Variants in FSTL5 observed in about 807,000 individuals in gnomAD.
The protein encoded by FSTL5 is follistatin like 5.
In FSTL5, 62 loss-of-function variants were observed where a neutral mutation model predicts 89.1. The ratio of observed to expected loss-of-function variants is 0.70; its 90% CI spans 0.57 to 0.86. The LOEUF is 0.86. FSTL5 is among the 40% of genes least tolerant of loss of function. The probability of loss-of-function intolerance (pLI) is 0.00; values close to 1 mark genes in which losing one functional copy is unlikely to be tolerated. For synonymous variants in FSTL5, 383 were observed against 346.2 expected, an observed-to-expected ratio of 1.11 and a Z score of -1.18; for missense variants, 1,057 against 1,001.6, an observed-to-expected ratio of 1.06 and a Z score of -0.75.
intron 15 of FSTL5, among the ~76,000 whole-genome samples, chr4:161,452,814 G>A (rs374006405): frequency 9.6e-4 from 146 of 152,200 alleles, no homozygotes; most frequent in Admixed American, 2.0e-3. Context: ...AAATACCCAT[G>A]CATTTCACTG....
chr4:161,983,956 T>C (rs1217965643), intron 3 of FSTL5, among the ~76,000 whole-genome samples: 1 of 152,066 alleles, frequency 6.6e-6, no homozygotes, highest in Non-Finnish European at 1.5e-5. Context: ...ACAATATCGG[T>C]AAAAAACTTT....
At chr4:162,145,935 T>C (rs1649540212) in intron 1 of FSTL5, among the ~76,000 whole-genome samples, 1 of 152,184 alleles carries the variant, frequency 6.6e-6, no homozygotes, top group Admixed American at 6.5e-5. Flanking sequence ...GGGAATGTTT[T>C]TCACTTAATC....
chr4:161,412,889 C>G (rs1273659771), intron 15 of FSTL5, among the ~76,000 whole-genome samples: 2 of 152,208 alleles, frequency 1.3e-5, no homozygotes, highest in Non-Finnish European at 2.9e-5. Context: ...AGCTGGATCC[C>G]TAACTTTCAC....
At chr4:161,731,677 T>C (rs1265192208) in intron 6 of FSTL5, among the ~76,000 whole-genome samples, 2 of 152,056 alleles carry the variant, frequency 1.3e-5, no homozygotes, top group African/African-American at 4.8e-5. Context: ...AATAGACTAA[T>C]GAAAACAGTG....
chr4:161,545,139 A>G (rs1267897778), intron 8 of FSTL5, among the ~76,000 whole-genome samples: 2 of 152,028 alleles, frequency 1.3e-5, no homozygotes, highest in Non-Finnish European at 2.9e-5. Flanking sequence ...GTTTACAGAA[A>G]GCATTTTCAG....
At chr4:161,621,149 G>T (rs1304368075) in intron 7 of FSTL5, among the ~76,000 whole-genome samples, 2 of 152,064 alleles carry the variant, frequency 1.3e-5, no homozygotes, top group Non-Finnish European at 2.9e-5. Flanking sequence ...TCCAGTGCAT[G>T]AACAAAATTA....
In FSTL5 at chr4:161,480,966, T is replaced by C. The variant is rs573628869; in HGVS notation, c.1608+54A>G. The C allele has an allele frequency of 2.0e-4, 242 of 1,224,508 alleles. No homozygotes were observed. In the Middle Eastern group the frequency reaches 4.3e-3, roughly 22 times the overall value. The allele number at this position is 1,224,508 out of a possible 1,614,324, so 75.9% of individuals were successfully genotyped here. On this transcript the variant is annotated intron_variant, in intron 13 of 15. Transcript: ENST00000306100. Reference sequence around the variant, plus strand: ...AGTTACCTGGTAAAGATTACTACAATGATATAAATATTTTTTAAAGATTTA... The same window carrying C: ...AGTTACCTGGTAAAGATTACTACAACGATATAAATATTTTTTAAAGATTTA...
At chr4:162,119,615 T>G (rs1298837404) in intron 1 of FSTL5, among the ~76,000 whole-genome samples, 3 of 152,246 alleles carry the variant, frequency 2.0e-5, no homozygotes. Context: ...TGTAGAATGA[T>G]TAGATCAGGG....
chr4:161,547,526 A>G (rs967217583), intron 8 of FSTL5, among the ~76,000 whole-genome samples: 1 of 151,964 alleles, frequency 6.6e-6, no homozygotes, highest in African/African-American at 2.4e-5. Flanking sequence ...AGTGTCACTC[A>G]TGAAAATAGA....
At chr4:161,579,040 T>C (rs758336586) in intron 8 of FSTL5, among the ~76,000 whole-genome samples, 18 of 152,066 alleles carry the variant, frequency 1.2e-4, no homozygotes, top group Non-Finnish European at 2.5e-4. Flanking sequence ...ATGAGGAGGA[T>C]CAGAAATGCA....
At chr4:161,546,973 G>T (rs946156570) in intron 8 of FSTL5, among the ~76,000 whole-genome samples, 1 of 151,946 alleles carries the variant, frequency 6.6e-6, no homozygotes, top group Admixed American at 6.6e-5. Flanking sequence ...GCAAAGTAAT[G>T]GTGCATAATA....
At chr4:162,001,039 A>G (rs1456260575) in intron 3 of FSTL5, among the ~76,000 whole-genome samples, 1 of 152,226 alleles carries the variant, frequency 6.6e-6, no homozygotes, top group African/African-American at 2.4e-5. Flanking sequence ...AAAACTATGC[A>G]TCTTAAACTA....
chr4:162,012,799 G>C (rs181220365), intron 3 of FSTL5, among the ~76,000 whole-genome samples: 1 of 151,798 alleles, frequency 6.6e-6, no homozygotes, highest in Non-Finnish European at 1.5e-5. Flanking sequence ...AAATTTTTTT[G>C]CAAAATTAAG....
chr4:161,418,811 A>C (rs569996447), intron 15 of FSTL5, among the ~76,000 whole-genome samples: 1 of 152,342 alleles, frequency 6.6e-6, no homozygotes, highest in Admixed American at 6.5e-5. Context: ...GACAGGACAA[A>C]ACCCATCCAA....
chr4:162,093,843 AAGAACTTTATAGGAAATTTT>A (rs1388905248), intron 2 of FSTL5, among the ~76,000 whole-genome samples: 1 of 152,086 alleles, frequency 6.6e-6, no homozygotes, highest in African/African-American at 2.4e-5. Context: ...CCATTCAAAA[AAGAACTTTATAGGAAATTTT>A]AGAGAGTCAA....
intron 12 of FSTL5, among the ~76,000 whole-genome samples, chr4:161,493,526 A>G (rs1180347069): frequency 6.6e-6 from 1 of 152,008 alleles, no homozygotes; most frequent in East Asian, 1.9e-4. Flanking sequence ...AATAAATCTT[A>G]GATGAAAAGA....
At chr4:161,768,827 T>C (rs1741108546) in intron 5 of FSTL5, among the ~76,000 whole-genome samples, 1 of 146,018 alleles carries the variant, frequency 6.8e-6, no homozygotes, top group Non-Finnish European at 1.5e-5. Context: ...GTCAATAGAA[T>C]AAAAAAAAAT....
intron 10 of FSTL5, among the ~76,000 whole-genome samples, chr4:161,521,202 A>G (rs555480762): frequency 6.6e-6 from 1 of 152,262 alleles, no homozygotes; most frequent in South Asian, 2.1e-4. Flanking sequence ...ATTTAGTATA[A>G]TTTACCTATC....
chr4:161,605,953 T>C (rs150633422), intron 7 of FSTL5, among the ~76,000 whole-genome samples: 4 of 152,302 alleles, frequency 2.6e-5, no homozygotes, highest in African/African-American at 9.6e-5. Context: ...AAGAAAAGTG[T>C]GCATTTCTCC....
Sources: allele counts gnomAD v4.1 joint callset (sites outside exome capture counted in the v4.1 genomes callset), GRCh38; gene constraint gnomAD v4.1.1; transcripts MANE v1.5; gene names NCBI Gene and HGNC (gene_info 2026-07-23, HGNC 2026-07-21).